The following HS3ST5 variants were observed in gnomAD, a reference collection of about 807,000 sequenced individuals.
The protein encoded by HS3ST5 is heparan sulfate glucosamine 3-O-sulfotransferase 5.
HS3ST5 carries 10 observed loss-of-function variants against 25.4 expected under a neutral mutation model. That is an observed-to-expected ratio of 0.39 (90% CI 0.24 to 0.67). The LOEUF (loss-of-function observed/expected upper bound fraction) is 0.67, where lower values mean the gene tolerates loss of function less well. Ranked by LOEUF, HS3ST5 falls within the 30% of genes least tolerant of loss-of-function variation. HS3ST5 has a pLI of 0.44. For missense variants in HS3ST5, 324 were observed against 420.7 expected (o/e 0.77, Z 2.01); for synonymous variants, 170 against 162.4 (o/e 1.05, Z -0.36).
At chr6:114,058,483 C>T (rs1772907235) in intron 4 of HS3ST5, 1 of 289,048 alleles carries the variant, frequency 3.5e-6, no homozygotes. Context: ...CAAGTGGCAC[C>T]AGCCATACTA....
chr6:114,229,920 G>A (rs999475722), intron 1 of HS3ST5, among the ~76,000 whole-genome samples: 66 of 152,294 alleles, frequency 4.3e-4, no homozygotes, highest in Non-Finnish European at 6.3e-4. Flanking sequence ...GGCTTTCCCT[G>A]AAATTCTACC....
At chr6:114,294,727 C>T (rs1202292042) in intron 1 of HS3ST5, among the ~76,000 whole-genome samples, 1 of 152,172 alleles carries the variant, frequency 6.6e-6, no homozygotes, top group Admixed American at 6.5e-5. Context: ...GTATGCATTT[C>T]TGATACAGAA....
At chr6:114,269,886 G>T (rs546078728) in intron 1 of HS3ST5, among the ~76,000 whole-genome samples, 2 of 152,194 alleles carry the variant, frequency 1.3e-5, no homozygotes, top group Non-Finnish European at 2.9e-5. Context: ...GCCTTTCACT[G>T]GCTTGATAAT....
At chr6:114,081,721 T>G (rs1185637628) in intron 3 of HS3ST5, among the ~76,000 whole-genome samples, 1 of 152,202 alleles carries the variant, frequency 6.6e-6, no homozygotes, top group Non-Finnish European at 1.5e-5. Flanking sequence ...TAGTCAGAAA[T>G]TTCATTATAG....
chr6:114,235,081 C>T (rs1771791785), intron 1 of HS3ST5, among the ~76,000 whole-genome samples: 2 of 152,106 alleles, frequency 1.3e-5, no homozygotes, highest in Admixed American at 1.3e-4. Context: ...TGAGACTGTG[C>T]CACTGCACTC....
intron 1 of HS3ST5, among the ~76,000 whole-genome samples, chr6:114,337,273 T>C (rs1012125273): frequency 3.3e-5 from 5 of 152,214 alleles, no homozygotes; most frequent in African/African-American, 7.2e-5. Context: ...AAGCAACATG[T>C]GGAATGCTCT....
chr6:114,245,279 C>T lies in HS3ST5; in HGVS notation c.-338-16501G>A, dbSNP rs144832531. 2.6e-3 allele frequency among the ~76,000 whole-genome samples: 390 copies of T among 152,268 alleles called. 3 individuals are homozygous for T. Among genetic ancestry groups the T allele is most frequent in the Non-Finnish European group, 4.8e-3 (327 of 68,016 alleles). On this transcript the variant is annotated intron_variant, in intron 1 of 4. Coordinates refer to ENST00000312719, the MANE Select transcript of HS3ST5 (RefSeq NM_153612.4). ...TTCTGGAAATTGGAAAGTCCCCATA[C>T]AGCATCATGCTTCTGACATAAAATG... is the stretch of plus-strand genomic sequence containing the variant.
At chr6:114,089,874 C>T (rs1775031758) in intron 3 of HS3ST5, among the ~76,000 whole-genome samples, 2 of 152,102 alleles carry the variant, frequency 1.3e-5, no homozygotes, top group African/African-American at 4.8e-5. Context: ...TGGTTTAGTA[C>T]ACATGGAAAG....
chr6:114,099,844 T>C (rs1237169231), intron 3 of HS3ST5, among the ~76,000 whole-genome samples: 1 of 152,096 alleles, frequency 6.6e-6, no homozygotes. Flanking sequence ...CCCACAGATA[T>C]GACCCAAAGC....
Position 114,084,779 on chromosome 6 carries a change from G to C in HS3ST5, c.-32-21902C>G, listed in dbSNP as rs576411391. On this transcript the variant is annotated intron_variant, in intron 3 of 4. Transcript: ENST00000312719. ...AATTGGAGTGGCTCCAGTGGCAGCA[G>C]CAAACTTAAGCATATTTTCAAACTC... is the stretch of plus-strand genomic sequence containing the variant. The C allele has an allele frequency of 5.7e-5, 43 of 750,974 alleles. No individual in the cohort carries two copies. In the African/African-American group the frequency reaches 7.0e-4, roughly 12 times the overall value. 46.5% of individuals were successfully genotyped at this position (750,974 alleles called of 1,614,324 possible). A position where few individuals can be genotyped will look rare whatever the true frequency, so the allele number is the denominator to read the frequency against.
At chr6:114,131,847 A>T (rs1484049005) in intron 3 of HS3ST5, among the ~76,000 whole-genome samples, 1 of 152,202 alleles carries the variant, frequency 6.6e-6, no homozygotes, top group Non-Finnish European at 1.5e-5. Context: ...CTTGCTTGTA[A>T]CCATGTGGGC....
Position 114,257,334 on chromosome 6 carries a change from G to A in HS3ST5, c.-338-28556C>T, listed in dbSNP as rs186904949. On this transcript the variant is annotated intron_variant, in intron 1 of 4. Transcript: ENST00000312719. ...CTTCTGAGGCACTTTCCAAATAGTAGATACTATTCTAAGCTCTTGACAAAT... is the reference window on the plus strand; with the variant it reads ...CTTCTGAGGCACTTTCCAAATAGTAAATACTATTCTAAGCTCTTGACAAAT... 1.7e-3 allele frequency among the ~76,000 whole-genome samples: 254 copies of A among 152,320 alleles called. 1 individual carries two copies. Among genetic ancestry groups the A allele is most frequent in the African/African-American group, 5.9e-3 (245 of 41,562 alleles).
At chr6:114,250,405 C>T (rs779429137) in intron 1 of HS3ST5, among the ~76,000 whole-genome samples, 1 of 152,040 alleles carries the variant, frequency 6.6e-6, no homozygotes, top group Non-Finnish European at 1.5e-5. Context: ...CACGGTGAAA[C>T]CCCGTCTCTA....
chr6:114,105,917 C>A (rs1355352640), intron 3 of HS3ST5, among the ~76,000 whole-genome samples: 1 of 152,072 alleles, frequency 6.6e-6, no homozygotes, highest in African/African-American at 2.4e-5. Flanking sequence ...AAATAGATTG[C>A]ACACATGTTC....
At chr6:114,207,293 A>T (rs1420363384) in intron 2 of HS3ST5, among the ~76,000 whole-genome samples, 1 of 152,220 alleles carries the variant, frequency 6.6e-6, no homozygotes, top group African/African-American at 2.4e-5. Context: ...CTTAATAAAA[A>T]ATGTTGAAAA....
intron 1 of HS3ST5, among the ~76,000 whole-genome samples, chr6:114,274,147 G>C (rs1435714832): frequency 6.6e-6 from 1 of 152,016 alleles, no homozygotes; most frequent in African/African-American, 2.4e-5. Flanking sequence ...ATGAGGAGAA[G>C]ACAGAGAATG....
At chr6:114,323,545 T>C (rs558351902) in intron 1 of HS3ST5, among the ~76,000 whole-genome samples, 27 of 152,236 alleles carry the variant, frequency 1.8e-4, no homozygotes, top group African/African-American at 6.3e-4. Flanking sequence ...TCTTTTTAAA[T>C]GTTCAACTTT....
intron 3 of HS3ST5, among the ~76,000 whole-genome samples, chr6:114,068,337 C>T (rs1185606093): frequency 6.6e-6 from 1 of 152,220 alleles, no homozygotes; most frequent in Non-Finnish European, 1.5e-5. Flanking sequence ...AGTGAAATCT[C>T]ATTCTGTTTT....
chr6:114,114,814 A>G (rs1377747019), intron 3 of HS3ST5, among the ~76,000 whole-genome samples: 1 of 152,150 alleles, frequency 6.6e-6, no homozygotes, highest in African/African-American at 2.4e-5. Context: ...CGTATTGATC[A>G]GTTGCTTTGC....
Sources: gnomAD v4.1 joint callset for allele counts (sites outside exome capture counted in the v4.1 genomes callset) on GRCh38, gnomAD v4.1.1 for gene constraint, MANE v1.5 for transcripts, NCBI Gene and HGNC (gene_info 2026-07-23, HGNC 2026-07-21) for gene names.